CRB1: variants seen among roughly 807,000 people sequenced by gnomAD.
CRB1 encodes protein crumbs homolog 1.
In CRB1, 83 loss-of-function variants were observed where a neutral mutation model predicts 120.0. That is an observed-to-expected ratio of 0.69 (90% confidence interval 0.58 to 0.83). CRB1 has a LOEUF of 0.83. Among genes scored for constraint, CRB1 ranks in the 40% least tolerant of loss-of-function variants. The pLI, the probability that CRB1 is intolerant of heterozygous loss-of-function variation, is 0.00. For synonymous variants in CRB1, 625 were observed against 612.5 expected (o/e 1.02, Z -0.30); for missense variants, 1,699 against 1,687.6 (o/e 1.01, Z -0.12).
chr1:197,230,859 A>T, the CRB1 span, among the ~76,000 whole-genome samples: 1 of 152,204 alleles, frequency 6.6e-6, no homozygotes, highest in Non-Finnish European at 1.5e-5. Context: ...GCAATTGATT[A>T]ATCAAAAATC....
At chr1:197,306,307 TGAAAAC>T (rs1365126285) in intron 1 of CRB1, among the ~76,000 whole-genome samples, 3 of 152,072 alleles carry the variant, frequency 2.0e-5, no homozygotes, top group African/African-American at 7.2e-5. Context: ...AGAAAAGTCG[TGAAAAC>T]AGTCCAGCCA....
At chr1:197,230,188 C>G in the CRB1 span, among the ~76,000 whole-genome samples, 7 of 152,076 alleles carry the variant, frequency 4.6e-5, no homozygotes, top group African/African-American at 1.7e-4. Flanking sequence ...TGTTTTTGGC[C>G]TTACAATATT....
intron 5 of CRB1, chr1:197,364,045 C>T (rs1351215579): frequency 8.0e-6 from 11 of 1,369,464 alleles, no homozygotes; most frequent in South Asian, 1.2e-5. Context: ...CTTCTTGATG[C>T]GAAAGAATCA....
intron 5 of CRB1, among the ~76,000 whole-genome samples, chr1:197,391,455 CA>C (rs985861363): frequency 6.6e-6 from 1 of 152,036 alleles, no homozygotes; most frequent in Admixed American, 6.6e-5. Flanking sequence ...TATAAAAAAG[CA>C]AACCAAGTTT....
At position 197,427,358 on chromosome 1, in the gene CRB1, TG is replaced by T. The variant is rs1571538104; in HGVS notation, c.2129-95del. 3.3e-6 allele frequency: 3 copies of T among 921,916 alleles called. No homozygotes were observed. The East Asian group carries it at 7.3e-5, about 22-fold the overall frequency. 57.1% of individuals were successfully genotyped at this position (921,916 alleles called of 1,614,324 possible). A position where few individuals can be genotyped will look rare whatever the true frequency, so the allele number is the denominator to read the frequency against. ...GTGTATGCTTGTGTGCATGTGTGTG[TG>T]TGAAATGTATAATTTTCGTCTTCCA... On this transcript the variant is annotated intron_variant, in intron 6 of 11. Coordinates refer to ENST00000367400, the MANE Select transcript of CRB1 (RefSeq NM_201253.3).
At chr1:197,277,264 G>T (rs1282034690) in intron 1 of CRB1, among the ~76,000 whole-genome samples, 1 of 151,968 alleles carries the variant, frequency 6.6e-6, no homozygotes, top group East Asian at 1.9e-4. Context: ...ACCGCATTGT[G>T]TAGTCTTTTT....
chr1:197,432,639 G>C (rs893771964), intron 8 of CRB1, among the ~76,000 whole-genome samples: 1 of 152,114 alleles, frequency 6.6e-6, no homozygotes, highest in African/African-American at 2.4e-5. Context: ...CCTAGACACA[G>C]AGGATCCTTG....
chr1:197,414,297 G>A (rs370784562), intron 5 of CRB1, among the ~76,000 whole-genome samples: 7 of 151,862 alleles, frequency 4.6e-5, no homozygotes, highest in South Asian at 4.1e-4. Flanking sequence ...TATATCTAGG[G>A]TAAATTATAT....
chr1:197,320,738 T>C lies in CRB1; in HGVS notation c.71-7684T>C, dbSNP rs565721150. 2.0e-5 allele frequency among the ~76,000 whole-genome samples: 3 copies of C among 152,356 alleles called. No individual in the cohort carries two copies. In the South Asian group the frequency reaches 6.2e-4, roughly 32 times the overall value. On this transcript the variant is annotated intron_variant, in intron 1 of 11. Coordinates refer to ENST00000367400, the MANE Select transcript of CRB1 (RefSeq NM_201253.3). ...TGTACACTATAGGTATATACAATGTTGAATAGTATATGGGATTTATTTTAA... is the reference window on the plus strand; with the variant it reads ...TGTACACTATAGGTATATACAATGTCGAATAGTATATGGGATTTATTTTAA...
At chr1:197,318,128 A>G (rs886115650) in intron 1 of CRB1, among the ~76,000 whole-genome samples, 29 of 152,214 alleles carry the variant, frequency 1.9e-4, no homozygotes, top group African/African-American at 7.2e-5. Flanking sequence ...TCCAAAATAT[A>G]TAAGAAACTC....
intron 8 of CRB1, 108 bp downstream of exon 8, chr1:197,429,722 A>G (rs1664785292): frequency 9.2e-6 from 11 of 1,192,154 alleles, no homozygotes; most frequent in South Asian, 5.5e-5. Context: ...TATTAAATTA[A>G]TCTATGGTTG....
At chr1:197,266,982 G>C (rs1315955047), upstream of CRB1, among the ~76,000 whole-genome samples, 1 of 152,026 alleles carries the variant, frequency 6.6e-6, no homozygotes, top group Non-Finnish European at 1.5e-5. Context: ...GTTGCAAAAG[G>C]CATGACAGAA....
chr1:197,260,138 G>A, the CRB1 span, among the ~76,000 whole-genome samples: 1 of 151,886 alleles, frequency 6.6e-6, no homozygotes, highest in Admixed American at 6.6e-5. Flanking sequence ...CTGGGTGACA[G>A]AGTGAGACCC....
rs565458494 is a variant in CRB1 at position 197,405,212 on chromosome 1, A to G, written c.1172-15788A>G. On this transcript the variant is annotated intron_variant, in intron 5 of 11. Coordinates refer to ENST00000367400, the MANE Select transcript of CRB1 (RefSeq NM_201253.3). ...TGCCTTAGCCTGCCGAGTGCCTGCG[A>G]TTGCAGGCGCGCGCCGCCACGCCTG... Among the ~76,000 whole-genome samples the G allele has an allele frequency of 6.9e-4, 105 of 152,088 alleles. No homozygotes were observed. In the East Asian group the frequency reaches 0.02, roughly 28 times the overall value.
chr1:197,372,228 A>C (rs549600426), intron 5 of CRB1, among the ~76,000 whole-genome samples: 6 of 152,270 alleles, frequency 3.9e-5, no homozygotes, highest in South Asian at 2.1e-4. Context: ...CCAATTGTAC[A>C]TAAGTCCCAG....
At chr1:197,357,260 G>A in intron 5 of CRB1, 1 of 548,690 alleles carries the variant, frequency 1.8e-6, no homozygotes, top group Non-Finnish European at 3.3e-6. Context: ...ATGCTATACT[G>A]GGAACTGGAG....
chr1:197,271,277 G>A (rs1010336448), intron 1 of CRB1, among the ~76,000 whole-genome samples: 4 of 152,030 alleles, frequency 2.6e-5, no homozygotes, highest in Non-Finnish European at 4.4e-5. Context: ...TTCTTTCTTC[G>A]AACTTTGAAA....
intron 2 of CRB1, among the ~76,000 whole-genome samples, chr1:197,332,301 T>A (rs1449187948): frequency 6.6e-6 from 1 of 152,184 alleles, no homozygotes; most frequent in Non-Finnish European, 1.5e-5. Flanking sequence ...CCAATGGGAA[T>A]GAGTCCCCTT....
intron 11 of CRB1, among the ~76,000 whole-genome samples, chr1:197,468,033 T>C (rs1666825245): frequency 6.6e-6 from 1 of 152,204 alleles, no homozygotes; most frequent in Admixed American, 6.5e-5. Flanking sequence ...TTTGTGGCTC[T>C]GCATAAGGAG....
Sources: gnomAD v4.1 joint callset for allele counts (sites outside exome capture counted in the v4.1 genomes callset) on GRCh38, gnomAD v4.1.1 for gene constraint, MANE v1.5 for transcripts, NCBI Gene and HGNC (gene_info 2026-07-23, HGNC 2026-07-21) for gene names.